The following GPN1 variants were observed in gnomAD, a reference collection of about 807,000 sequenced individuals.
GPN1 encodes ATP(GTP)-binding protein.
A neutral mutation model predicts 55.9 loss-of-function variants in GPN1; 44 were observed. The ratio of observed to expected loss-of-function variants is 0.79; its 90% CI spans 0.62 to 1.01. The LOEUF (loss-of-function observed/expected upper bound fraction) is 1.01. Among genes scored for constraint, GPN1 ranks in the 50% least tolerant of loss-of-function variants. The pLI is 0.00. For synonymous variants in GPN1, 179 were observed against 162.5 expected (o/e 1.10, Z -0.77); for missense variants, 466 against 462.8 (o/e 1.01, Z -0.06).
At position 27,650,254 on chromosome 2, in the gene GPN1, C is replaced by T. The variant is rs578108604; in HGVS notation, c.*54C>T. The T allele has an allele frequency of 1.0e-4, 102 of 991,908 alleles. No individual in the cohort carries two copies. Among genetic ancestry groups the T allele is most frequent in the East Asian group, 6.7e-4 (28 of 41,540 alleles). 61.4% of individuals were successfully genotyped at this position (991,908 alleles called of 1,614,324 possible). ...AGAAGTCCAGAATTTTGGACCTCCA[C>T]GTGAAAGAACTGTTCTTACCTCTGA... On this transcript the variant is annotated 3_prime_UTR_variant, in exon 14 of 14. Coordinates refer to ENST00000610189, the MANE Select transcript of GPN1 (RefSeq NM_007266.4).
intron 11 of GPN1, among the ~76,000 whole-genome samples, chr2:27,641,624 C>T (rs918807603): frequency 3.9e-5 from 6 of 152,150 alleles, no homozygotes; most frequent in Non-Finnish European, 2.9e-5. Flanking sequence ...GAAAGGGTCT[C>T]ACTCTGTCAC....
At chr2:27,644,599 T>TAG (rs1674126448) in intron 12 of GPN1, among the ~76,000 whole-genome samples, 1 of 152,064 alleles carries the variant, frequency 6.6e-6, no homozygotes, top group African/African-American at 2.4e-5. Context: ...CCGATTAATT[T>TAG]AGAGTTTATT....
At chr2:27,644,707 T>G (rs1489065643) in intron 12 of GPN1, among the ~76,000 whole-genome samples, 3 of 102,014 alleles carry the variant, frequency 2.9e-5, no homozygotes, top group African/African-American at 8.4e-5. Flanking sequence ...CCTTAGTGAG[T>G]TTTTTTTTTG....
At chr2:27,649,572 C>T (rs368931151) in intron 13 of GPN1, among the ~76,000 whole-genome samples, 1 of 152,152 alleles carries the variant, frequency 6.6e-6, no homozygotes, top group Non-Finnish European at 1.5e-5. Context: ...CAACCACTGA[C>T]TGATTTCTGT....
At chr2:27,628,946 T>C, upstream of GPN1, 1 of 1,543,976 alleles carries the variant, frequency 6.5e-7, no homozygotes, top group Admixed American at 2.0e-5. Flanking sequence ...GCCGCGCCCC[T>C]CACCCGCTCC....
intron 1 of GPN1, chr2:27,629,551 T>C (rs931767478): frequency 2.7e-6 from 2 of 749,066 alleles, no homozygotes; most frequent in Admixed American, 2.3e-5. Context: ...ACTGGGGATA[T>C]AGCGAAAATG....
chr2:27,628,272 A>C, upstream of GPN1: 8 of 980,762 alleles, frequency 8.2e-6, no homozygotes, highest in Non-Finnish European at 1.2e-5. Context: ...AAAGGGTCAC[A>C]GAAACAGACT....
intron 4 of GPN1, among the ~76,000 whole-genome samples, chr2:27,632,177 G>T (rs1673580843): frequency 6.6e-6 from 1 of 152,194 alleles, no homozygotes; most frequent in African/African-American, 2.4e-5. Context: ...AAGCTGGGAT[G>T]GGGGTATTTG....
chr2:27,631,067 G>A lies in GPN1; in HGVS notation c.245+1G>A. The A allele has an allele frequency of 7.2e-7, 1 of 1,382,342 alleles. No homozygotes were observed. Among genetic ancestry groups the A allele is most frequent in the Non-Finnish European group, 1.0e-6 (1 of 970,618 alleles). The allele number at this position is 1,382,342 out of a possible 1,614,324, so 85.6% of individuals were successfully genotyped here. On this transcript the variant is annotated splice_donor_variant, in intron 3 of 13. Coordinates refer to ENST00000610189, the MANE Select transcript of GPN1 (RefSeq NM_007266.4). LOFTEE classifies it high-confidence loss of function. Reference sequence around the variant, plus strand: ...TAAAGTATAAAGAAGTAATGAAACAGTATCCTTTTCCATCTACTTTGGTCT... The same window carrying A: ...TAAAGTATAAAGAAGTAATGAAACAATATCCTTTTCCATCTACTTTGGTCT...
In GPN1 at chr2:27,638,243, G is replaced by T; in HGVS notation, c.558G>T (p.Val186=). The T allele has an allele frequency of 6.4e-7, 1 of 1,558,706 alleles. No individual in the cohort carries two copies. Among genetic ancestry groups the T allele is most frequent in the South Asian group, 1.1e-5 (1 of 89,828 alleles). The change falls in exon 8 of 14, where the codon GTG becomes GTT. Residue 186 remains valine, a synonymous_variant. Transcript: ENST00000610189. ...ILYKTKLPFI[V]VMNKTDIIDH... ...ACAAAACCAAGCTGCCTTTCATTGT[G>T]GTCATGAATAAAGTAAGTGTATTCT...
rs1401719380 is a variant in GPN1, at chr2:27,639,023, T to G, written c.709T>G (p.Ser237Ala). The change falls in exon 9 of 14, where the codon TCA (serine) becomes GCA (alanine). Residue 237 changes from serine to alanine, a missense_variant. Transcript: ENST00000610189. ...MSLVLDEFYS[S>A]LRVVGVSAVL... ...CCTGGTGTTAGATGAGTTTTACAGC[T>G]CACTCAGGGTAAATTTTCTCTCCTG... The G allele has an allele frequency of 1.9e-6, 3 of 1,607,826 alleles. No homozygotes were observed. Among genetic ancestry groups the G allele is most frequent in the Non-Finnish European group, 2.6e-6 (3 of 1,176,318 alleles).
intron 11 of GPN1, 61 bp from the exon 12 acceptor site, chr2:27,642,368 G>A (rs1673991185): frequency 1.0e-6 from 1 of 963,562 alleles, no homozygotes; most frequent in African/African-American, 1.6e-5. Context: ...CCACTGAGAA[G>A]TCTGGCATCT....
intron 13 of GPN1, among the ~76,000 whole-genome samples, chr2:27,649,135 C>T (rs951048802): frequency 2.6e-5 from 4 of 151,760 alleles, no homozygotes; most frequent in Non-Finnish European, 4.4e-5. Context: ...ATCCCAGCTA[C>T]TTGGGAGGCT....
intron 11 of GPN1, chr2:27,642,147 G>A (rs1673983357): frequency 3.2e-6 from 1 of 312,362 alleles, no homozygotes; most frequent in Admixed American, 4.5e-5. Context: ...GATCCACCCT[G>A]GACTGAACTC....
In GPN1 at chr2:27,643,032, T is replaced by C. The variant is rs1674039674; in HGVS notation, c.931+513T>C. 6.9e-6 allele frequency among the ~76,000 whole-genome samples: 1 copy of C among 145,232 alleles called. No individual in the cohort carries two copies. Among genetic ancestry groups the C allele is most frequent in the Admixed American group, 6.9e-5 (1 of 14,450 alleles). ...ACATATATATTAAAAAATAAAGGAT[T>C]TGGAAAGGCAAATTTGAAATTATAT... On this transcript the variant is annotated intron_variant, in intron 12 of 13. Coordinates refer to ENST00000610189, the MANE Select transcript of GPN1 (RefSeq NM_007266.4). This position sits in a 1 kb window ranked among gnomAD's most constrained non-coding sequence, Gnocchi z 4.0.
intron 11 of GPN1, chr2:27,642,176 G>T (rs1023696346): frequency 5.0e-5 from 19 of 381,996 alleles, no homozygotes; most frequent in Non-Finnish European, 8.6e-5. Flanking sequence ...AGAATTGAGG[G>T]TTCTTTTGAA....
rs200597624 is a variant in GPN1 at position 27,629,847 on chromosome 2, A to G, written c.112-12A>G. ...TTTGTCTCCTTCCAACCCTCTCCCC[A>G]TATCTCTGCAGAGGCTCACAGGACA... is the stretch of plus-strand genomic sequence containing the variant. On this transcript the variant is annotated splice_polypyrimidine_tract_variant and intron_variant, in intron 1 of 13. Transcript: ENST00000610189. 6.7e-7 allele frequency: 1 copy of G among 1,490,722 alleles called. No individual in the cohort carries two copies. Among genetic ancestry groups the G allele is most frequent in the Middle Eastern group, 1.7e-4 (1 of 5,870 alleles). The allele number at this position is 1,490,722 out of a possible 1,614,324, so 92.3% of individuals were successfully genotyped here.
At chr2:27,646,149 G>A (rs1674217117) in intron 12 of GPN1, among the ~76,000 whole-genome samples, 1 of 152,050 alleles carries the variant, frequency 6.6e-6, no homozygotes, top group Admixed American at 6.5e-5. Context: ...TCAAGCGATT[G>A]TTGTGCCTCA....
chr2:27,628,714 G>A (rs1234568009), upstream of GPN1: 1 of 1,551,540 alleles, frequency 6.4e-7, no homozygotes. Flanking sequence ...CAAAATGACA[G>A]GCATGCTCCT....
Sources: allele counts gnomAD v4.1 joint callset (sites outside exome capture counted in the v4.1 genomes callset), GRCh38; gene constraint gnomAD v4.1.1; non-coding constraint Gnocchi (gnomAD v3.1); transcripts MANE v1.5; gene names NCBI Gene and HGNC (gene_info 2026-07-23, HGNC 2026-07-21).